EPB42: variants seen among roughly 807,000 people sequenced by gnomAD.
The protein encoded by EPB42 is protein 4.2.
EPB42 carries 49 observed loss-of-function variants against 76.9 expected under a neutral mutation model. The ratio of observed to expected loss-of-function variants is 0.64; its 90% CI spans 0.51 to 0.81. EPB42 has a LOEUF of 0.81. Ranked by LOEUF, EPB42 falls within the 30% of genes least tolerant of loss-of-function variation. The probability of loss-of-function intolerance (pLI) is 0.00; values close to 1 mark genes in which losing one functional copy is unlikely to be tolerated. For missense variants in EPB42, 731 were observed against 867.6 expected (o/e 0.84, Z 1.98); for synonymous variants, 310 against 338.4 (o/e 0.92, Z 0.92).
intron 3 of EPB42, among the ~76,000 whole-genome samples, chr15:43,214,789 C>A (rs1442015170): frequency 6.6e-6 from 1 of 152,192 alleles, no homozygotes; most frequent in East Asian, 1.9e-4. Flanking sequence ...CCAGGGTCAT[C>A]TCAGTGAGTC....
intron 1 of EPB42, among the ~76,000 whole-genome samples, chr15:43,220,275 C>G (rs2042437644): frequency 6.6e-6 from 1 of 152,092 alleles, no homozygotes; most frequent in African/African-American, 2.4e-5. Context: ...ACTCTGACCA[C>G]CTGTGTTGGT....
Position 43,208,294 on chromosome 15 carries a change from A to G in EPB42, c.1011T>C (p.Pro337=). The change falls in exon 8 of 13, where the codon CCT becomes CCC. Residue 337 remains proline, a synonymous_variant. Coordinates refer to ENST00000441366, the MANE Select transcript of EPB42 (RefSeq NM_001114134.2). The part of the protein sequence containing the change: ...QTSTECWMTR[P]ALPQGYDGWQ... ...ATCCATCATAACCCTGGGGCAAGGC[A>G]GGCCGCGTCATCCAGCACTCTGTGG... 1 of 1,614,166 alleles carries G rather than the reference A, an allele frequency of 6.2e-7. No individual in the cohort carries two copies. The highest frequency in any genetic ancestry group is 8.5e-7 in the Non-Finnish European group (1 of 1,180,006).
chr15:43,219,488 C>T (rs1279326516), intron 1 of EPB42, among the ~76,000 whole-genome samples: 1 of 152,184 alleles, frequency 6.6e-6, no homozygotes, highest in Admixed American at 6.5e-5. Context: ...AGTTCATACT[C>T]AGTGATTCTC....
chr15:43,220,552 A>T (rs911257438), intron 1 of EPB42, among the ~76,000 whole-genome samples: 3 of 151,764 alleles, frequency 2.0e-5, no homozygotes, highest in African/African-American at 7.3e-5. Flanking sequence ...CCACAGCAAC[A>T]TCACCATCAC....
At chr15:43,216,700 C>G (rs867048190) in intron 1 of EPB42, among the ~76,000 whole-genome samples, 2 of 152,206 alleles carry the variant, frequency 1.3e-5, no homozygotes, top group African/African-American at 4.8e-5. Flanking sequence ...GTCAGATACA[C>G]AGTAAGTCCC....
In EPB42 at chr15:43,207,999, C is replaced by G. The variant is rs943692748; in HGVS notation, c.1075+231G>C. Among the ~76,000 whole-genome samples the G allele has an allele frequency of 1.3e-5, 2 of 152,222 alleles. 1 individual carries two copies. The highest frequency in any genetic ancestry group is 2.9e-5 in the Non-Finnish European group (2 of 68,034). ...TGTGACCCAACTCCCTCACCCACAG[C>G]TCTAAGGTGCCTCATCTACCTACAG... On this transcript the variant is annotated intron_variant, in intron 8 of 12. Transcript: ENST00000441366.
chr15:43,206,383 A>T lies in EPB42; in HGVS notation c.1565T>A (p.Leu522His). Reference sequence around the variant, plus strand: ...CTTCTTCCTCCAGAGCTTGGCAGCAAGGACACCGTTGTAGTGTACAGCCTG... The same window carrying T: ...CTTCTTCCTCCAGAGCTTGGCAGCATGGACACCGTTGTAGTGTACAGCCTG... The part of the protein sequence containing the change: ...GVQAVHYNGV[L>H]AAKLWRKKLH... Residue 522 changes from leucine to histidine, a missense_variant, in exon 10 of 13, where the codon CTT becomes CAT. Leu to His is a moderately conservative substitution (Grantham distance 99). Transcript: ENST00000441366. This position sits in a 1 kb window ranked among gnomAD's most constrained non-coding sequence, Gnocchi z 4.7. 1 of 1,613,612 alleles carries T rather than the reference A, an allele frequency of 6.2e-7. No homozygotes were observed. The highest frequency in any genetic ancestry group is 8.5e-7 in the Non-Finnish European group (1 of 1,179,584).
chr15:43,209,227 G>A, intron 6 of EPB42, 47 bp downstream of exon 6: 1 of 1,609,998 alleles, frequency 6.2e-7, no homozygotes, highest in Non-Finnish European at 8.5e-7. Context: ...GGAGGCCAGG[G>A]AACAACCCAG....
At chr15:43,223,289 G>T (rs1164258952), upstream of EPB42, among the ~76,000 whole-genome samples, 1 of 152,202 alleles carries the variant, frequency 6.6e-6, no homozygotes, top group East Asian at 1.9e-4. Context: ...CTGTGCTCCA[G>T]CCTGGGCCAC....
At chr15:43,214,077 C>T (rs951678547) in intron 3 of EPB42, among the ~76,000 whole-genome samples, 18 of 152,332 alleles carry the variant, frequency 1.2e-4, no homozygotes, top group African/African-American at 4.3e-4. Flanking sequence ...AGGAAAAGGG[C>T]TATGTACTCG....
intron 10 of EPB42, among the ~76,000 whole-genome samples, chr15:43,204,051 T>C (rs927550331): frequency 1.3e-5 from 2 of 152,142 alleles, no homozygotes; most frequent in Middle Eastern, 3.2e-3. Context: ...TTCCTCAGCA[T>C]AGAAGCAGGT....
intron 11 of EPB42, 65 bp from the exon 12 acceptor site, chr15:43,202,042 A>T (rs753253245): frequency 5.8e-5 from 94 of 1,610,076 alleles, no homozygotes; most frequent in Non-Finnish European, 7.6e-5. Context: ...CTCTCCTCCC[A>T]TGCACCCCTG....
intron 10 of EPB42, among the ~76,000 whole-genome samples, chr15:43,204,297 C>A (rs2042168688): frequency 6.6e-6 from 1 of 152,122 alleles, no homozygotes; most frequent in African/African-American, 2.4e-5. Flanking sequence ...TTTGACCTCC[C>A]TTACTCTGCT....
upstream of EPB42, among the ~76,000 whole-genome samples, chr15:43,223,918 AGCCAAGATCAT>A (rs1596427934): frequency 6.6e-6 from 1 of 152,218 alleles, no homozygotes; most frequent in East Asian, 1.9e-4. Context: ...GGTTGCAGTT[AGCCAAGATCAT>A]GCCACTGTAT....
intron 3 of EPB42, 26 bp downstream of exon 3, chr15:43,215,069 C>T (rs2042356870): frequency 6.3e-7 from 1 of 1,599,726 alleles, no homozygotes; most frequent in Admixed American, 1.7e-5. Context: ...TCCATGCAGC[C>T]CAGGCTGGCC....
rs776240376 is a variant in EPB42, at chr15:43,210,297, AC to A, written c.654+37del. The A allele has an allele frequency of 2.0e-5, 32 of 1,589,432 alleles. No homozygotes were observed. The African/African-American group carries it at 3.9e-4, about 19-fold the overall frequency. On this transcript the variant is annotated intron_variant, in intron 5 of 12. Coordinates refer to ENST00000441366, the MANE Select transcript of EPB42 (RefSeq NM_001114134.2). ...AGGTCTCTCAGAGGGCTTTTTTCTC[AC>A]CCCTGCCCCATTCTGGTTCCCCAGC...
At chr15:43,212,522 C>T (rs747910523) in intron 3 of EPB42, among the ~76,000 whole-genome samples, 1 of 151,792 alleles carries the variant, frequency 6.6e-6, no homozygotes, top group Non-Finnish European at 1.5e-5. Flanking sequence ...TGACCAAAAA[C>T]AGGTGTTTCA....
In EPB42 at chr15:43,209,722, G is replaced by A. The variant is rs2042263967; in HGVS notation, c.655-271C>T. On this transcript the variant is annotated intron_variant, in intron 5 of 12. Transcript: ENST00000441366. The stretch of plus-strand genomic sequence containing the variant: ...AGCATTAGAGCTGCCCTTCCTTGGG[G>A]GCTGGTTTCACCGGTTCTTAGTCCT... 4 of 432,414 alleles carry A rather than the reference G, an allele frequency of 9.3e-6. No homozygotes were observed. In the East Asian group the frequency reaches 1.5e-4, roughly 16 times the overall value. The allele number at this position is 432,414 out of a possible 1,614,324, so 26.8% of individuals were successfully genotyped here.
Position 43,208,788 on chromosome 15 carries a change from G to A in EPB42, c.833-13C>T. The A allele has an allele frequency of 6.2e-7, 1 of 1,613,432 alleles. No individual in the cohort carries two copies. The highest frequency in any genetic ancestry group is 8.5e-7 in the Non-Finnish European group (1 of 1,179,714). ...AGGCATCGCAGCACTGTGAGAAGAG[G>A]GGCGGAGTGTCAGGGGGCGCTTGAG... On this transcript the variant is annotated splice_polypyrimidine_tract_variant and intron_variant, in intron 6 of 12. Transcript: ENST00000441366.
Sources: gnomAD v4.1 joint callset for allele counts (sites outside exome capture counted in the v4.1 genomes callset) on GRCh38, gnomAD v4.1.1 for gene constraint, Gnocchi (gnomAD v3.1) non-coding constraint, MANE v1.5 for transcripts, NCBI Gene and HGNC (gene_info 2026-07-23, HGNC 2026-07-21) for gene names.